Variants in SS18 observed in about 807,000 individuals in gnomAD.
SS18 encodes SS18 subunit of BAF chromatin remodeling complex, also known as protein SSXT.
A neutral mutation model predicts 72.5 loss-of-function variants in SS18; 28 were observed. That is an observed-to-expected ratio of 0.39 (90% confidence interval 0.29 to 0.53). The LOEUF is 0.53. SS18 is among the 20% of genes least tolerant of loss of function. The pLI is 0.76. For missense variants in SS18, 518 were observed against 535.3 expected, an observed-to-expected ratio of 0.97 and a Z score of 0.32; for synonymous variants, 172 against 164.2, an observed-to-expected ratio of 1.05 and a Z score of -0.37.
intron 4 of SS18, among the ~76,000 whole-genome samples, chr18:26,054,639 T>C (rs911593299): frequency 8.6e-5 from 13 of 151,742 alleles, no homozygotes; most frequent in African/African-American, 2.2e-4. Flanking sequence ...AAAGAAAAGA[T>C]ACATAATAGT....
At chr18:26,056,123 T>C (rs572840437) in intron 4 of SS18, among the ~76,000 whole-genome samples, 27 of 152,304 alleles carry the variant, frequency 1.8e-4, no homozygotes, top group African/African-American at 6.0e-4. Flanking sequence ...TCATAAGTGG[T>C]TGATAATAAC....
At position 26,017,781 on chromosome 18, in the gene SS18, T is replaced by A; in HGVS notation, c.*573A>T. 4.5e-6 allele frequency: 1 copy of A among 224,588 alleles called. No individual in the cohort carries two copies. The highest frequency in any genetic ancestry group is 8.9e-6 in the Non-Finnish European group (1 of 112,672). 13.9% of individuals were successfully genotyped at this position (224,588 alleles called of 1,614,324 possible). ...AACAGTGGACATATGGTGTGCTTTGTCTTCCCCTCACCTTTATCTTTATAG... is the reference window on the plus strand; with the variant it reads ...AACAGTGGACATATGGTGTGCTTTGACTTCCCCTCACCTTTATCTTTATAG... On this transcript the variant is annotated 3_prime_UTR_variant, in exon 11 of 11. Coordinates refer to ENST00000415083, the MANE Select transcript of SS18 (RefSeq NM_001007559.3).
chr18:26,026,936 T>G (rs1395562540), intron 10 of SS18, among the ~76,000 whole-genome samples: 1 of 152,136 alleles, frequency 6.6e-6, no homozygotes, highest in African/African-American at 2.4e-5. Flanking sequence ...TAGTGAAAAT[T>G]ATATGACACT....
chr18:26,049,087 T>G (rs1275199838), intron 5 of SS18, among the ~76,000 whole-genome samples: 1 of 152,246 alleles, frequency 6.6e-6, no homozygotes, highest in East Asian at 1.9e-4. Flanking sequence ...CAAAACATAT[T>G]CTTTAACACA....
intron 2 of SS18, chr18:26,082,566 T>G (rs1013415824): frequency 2.1e-6 from 2 of 932,830 alleles, no homozygotes; most frequent in African/African-American, 3.6e-5. Context: ...TAAGCAAACA[T>G]AGGTTGATTT....
At chr18:26,067,571 T>C (rs759840733) in intron 3 of SS18, among the ~76,000 whole-genome samples, 23 of 152,146 alleles carry the variant, frequency 1.5e-4, no homozygotes, top group Non-Finnish European at 3.4e-4. Context: ...CAACCATCAA[T>C]GTTTAGATGG....
intron 3 of SS18, among the ~76,000 whole-genome samples, chr18:26,073,335 T>C (rs1040244268): frequency 5.3e-5 from 8 of 152,158 alleles, no homozygotes; most frequent in Non-Finnish European, 5.9e-5. Context: ...CCATTTTAAA[T>C]GCATCCTTAG....
Position 26,035,367 on chromosome 18 carries a change from C to T in SS18, c.974-240G>A. 2.2e-6 allele frequency: 1 copy of T among 447,908 alleles called. No individual in the cohort carries two copies. The highest frequency in any genetic ancestry group is 3.7e-5 in the Admixed American group (1 of 26,996). 27.7% of individuals were successfully genotyped at this position (447,908 alleles called of 1,614,324 possible). ...ATTTTCAGCGTCTCTGCCATACGAG[C>T]ATTACATTTACTGGAACATCACAGT... On this transcript the variant is annotated intron_variant, in intron 8 of 10. Transcript: ENST00000415083. This position sits in a 1 kb window ranked among gnomAD's most constrained non-coding sequence, Gnocchi z 4.4.
intron 4 of SS18, among the ~76,000 whole-genome samples, chr18:26,055,116 T>C (rs1413367558): frequency 1.3e-5 from 2 of 152,100 alleles, no homozygotes; most frequent in Non-Finnish European, 2.9e-5. Flanking sequence ...TAGGCATCCT[T>C]TGGTATCCTT....
At chr18:26,083,655 A>G (rs920518969) in intron 2 of SS18, among the ~76,000 whole-genome samples, 1 of 152,192 alleles carries the variant, frequency 6.6e-6, no homozygotes, top group Non-Finnish European at 1.5e-5. Flanking sequence ...AAGGTGCAGT[A>G]GGAAGATGGT....
Position 26,018,145 on chromosome 18 carries a change from G to A in SS18, c.*209C>T. The A allele has an allele frequency of 2.2e-6, 1 of 459,588 alleles. No individual in the cohort carries two copies. The allele number at this position is 459,588 out of a possible 1,614,324, so 28.5% of individuals were successfully genotyped here. The stretch of plus-strand genomic sequence containing the variant: ...CTGTCCAATGTTGCCATCTAGAGTA[G>A]AAATGTGAAATCAAGAGTATTTTTG... On this transcript the variant is annotated 3_prime_UTR_variant, in exon 11 of 11. Transcript: ENST00000415083.
In SS18 at chr18:26,039,262, TAGCAAATTTTCCAA is replaced by T; in HGVS notation, c.775+13_775+26del. The T allele has an allele frequency of 6.4e-7, 1 of 1,570,508 alleles. No individual in the cohort carries two copies. Among genetic ancestry groups the T allele is most frequent in the Non-Finnish European group, 8.7e-7 (1 of 1,152,792 alleles). On this transcript the variant is annotated intron_variant, in intron 6 of 10. Transcript: ENST00000415083. ...TTTAAAGCCTTTCAATTACATTAAG[TAGCAAATTTTCCAA>T]ATGGAATCTTACCCTGTTGAGGAGG...
intron 5 of SS18, among the ~76,000 whole-genome samples, chr18:26,048,380 A>G (rs73944449): frequency 0.02 from 3,031 of 152,320 alleles, 89 homozygotes; most frequent in African/African-American, 0.069. Context: ...TTGTATTATA[A>G]TACATCCATA....
At chr18:26,086,930 T>G (rs1270724645) in intron 2 of SS18, among the ~76,000 whole-genome samples, 1 of 152,194 alleles carries the variant, frequency 6.6e-6, no homozygotes, top group Non-Finnish European at 1.5e-5. Flanking sequence ...GAAAGTTTTC[T>G]TTTATAAATT....
At chr18:26,069,703 A>C (rs1036865897) in intron 3 of SS18, among the ~76,000 whole-genome samples, 14 of 152,182 alleles carry the variant, frequency 9.2e-5, no homozygotes, top group African/African-American at 3.4e-4. Context: ...AAATATTTTC[A>C]GACTGTGAGC....
chr18:26,035,263 G>A lies in SS18; in HGVS notation c.974-136C>T. On this transcript the variant is annotated intron_variant, in intron 8 of 10. Coordinates refer to ENST00000415083, the MANE Select transcript of SS18 (RefSeq NM_001007559.3). The surrounding 1 kb of genome is among the most constrained non-coding windows in gnomAD (Gnocchi z 4.4). ...GATTTTTAGAAGTTAACAAAACAAAGAAAAAACTCAAACCAAACAGAAGGA... is the reference window on the plus strand; with the variant it reads ...GATTTTTAGAAGTTAACAAAACAAAAAAAAAACTCAAACCAAACAGAAGGA... 8.6e-7 allele frequency: 1 copy of A among 1,168,202 alleles called. No individual in the cohort carries two copies. Among genetic ancestry groups the A allele is most frequent in the Non-Finnish European group, 1.2e-6 (1 of 855,962 alleles). 72.4% of individuals were successfully genotyped at this position (1,168,202 alleles called of 1,614,324 possible). A position where few individuals can be genotyped will look rare whatever the true frequency, so the allele number is the denominator to read the frequency against.
chr18:26,078,368 T>C lies in SS18; in HGVS notation c.147-208A>G, dbSNP rs778561390. 1.4e-5 allele frequency: 6 copies of C among 420,280 alleles called. No individual in the cohort carries two copies. The East Asian group carries it at 2.4e-4, about 17-fold the overall frequency. 26.0% of individuals were successfully genotyped at this position (420,280 alleles called of 1,614,324 possible). ...CAGAGATCTTGCCATGTATGCTAAA[T>C]AGTGTTATAATTTTTTATATGCATA... On this transcript the variant is annotated intron_variant, in intron 2 of 10. Coordinates refer to ENST00000415083, the MANE Select transcript of SS18 (RefSeq NM_001007559.3).
At position 26,029,114 on chromosome 18, in the gene SS18, A is replaced by C. The variant is rs75611310; in HGVS notation, c.1230+3285T>G. Among the ~76,000 whole-genome samples the C allele has an allele frequency of 8.7e-3, 1,329 of 152,274 alleles. 18 individuals carry two copies. Among genetic ancestry groups the C allele is most frequent in the African/African-American group, 0.03 (1,257 of 41,554 alleles). ...GGCAGAAAAAGGGGCAGCAAATACAAAGATTCTCAGGTAGAAACTCACTTG... is the reference window on the plus strand; with the variant it reads ...GGCAGAAAAAGGGGCAGCAAATACACAGATTCTCAGGTAGAAACTCACTTG... On this transcript the variant is annotated intron_variant, in intron 10 of 10. Transcript: ENST00000415083.
At chr18:26,019,768 A>T (rs1032749284) in intron 10 of SS18, among the ~76,000 whole-genome samples, 8 of 124,916 alleles carry the variant, frequency 6.4e-5, no homozygotes, top group African/African-American at 2.4e-4. Context: ...CTCTAGCTTG[A>T]GCAACAGAGC....
Sources: allele counts gnomAD v4.1 joint callset (sites outside exome capture counted in the v4.1 genomes callset), GRCh38; gene constraint gnomAD v4.1.1; non-coding constraint Gnocchi (gnomAD v3.1); transcripts MANE v1.5; gene names NCBI Gene and HGNC (gene_info 2026-07-23, HGNC 2026-07-21).